Variants in CTIF observed in about 807,000 individuals in gnomAD.
CTIF encodes cap binding complex dependent translation initiation factor, also known as CBP80/20-dependent translation initiation factor.
A neutral mutation model predicts 66.0 loss-of-function variants in CTIF; 21 were observed. That is an observed-to-expected ratio of 0.32 (90% confidence interval 0.23 to 0.46). The LOEUF is 0.46. Ranked by LOEUF, CTIF falls within the 20% of genes least tolerant of loss-of-function variation. The pLI is 1.00. For missense variants in CTIF, 739 were observed against 812.7 expected (o/e 0.91, Z 1.10); for synonymous variants, 345 against 326.4 (o/e 1.06, Z -0.62).
At chr18:48,825,229 CT>C (rs1269054459) in intron 10 of CTIF, among the ~76,000 whole-genome samples, 2 of 152,100 alleles carry the variant, frequency 1.3e-5, no homozygotes, top group Admixed American at 1.3e-4. Flanking sequence ...CCTGGCTCTT[CT>C]CCCCTCCAGG....
chr18:48,682,597 C>T (rs1322355748), intron 6 of CTIF, among the ~76,000 whole-genome samples: 1 of 152,220 alleles, frequency 6.6e-6, no homozygotes. Context: ...CATCACCTTC[C>T]CCTATCCCCT....
chr18:48,812,233 G>C (rs1411845374), intron 9 of CTIF, among the ~76,000 whole-genome samples: 1 of 152,132 alleles, frequency 6.6e-6, no homozygotes, highest in East Asian at 1.9e-4. Context: ...CAAAGTGCTG[G>C]GATTATAGGT....
chr18:48,689,908 G>A (rs2091901379), intron 6 of CTIF, among the ~76,000 whole-genome samples: 1 of 152,164 alleles, frequency 6.6e-6, no homozygotes, highest in Non-Finnish European at 1.5e-5. Context: ...GAGCCCCTCT[G>A]CCCTAAGGTA....
chr18:48,762,390 A>G (rs1909093661), intron 9 of CTIF, among the ~76,000 whole-genome samples: 1 of 152,204 alleles, frequency 6.6e-6, no homozygotes, highest in South Asian at 2.1e-4. Flanking sequence ...GCAATGTTTC[A>G]TCTCACAAGT....
At chr18:48,544,540 C>G (rs559594859) in intron 1 of CTIF, among the ~76,000 whole-genome samples, 1 of 152,350 alleles carries the variant, frequency 6.6e-6, no homozygotes, top group Non-Finnish European at 1.5e-5. Flanking sequence ...GCCACAGAGC[C>G]AGACCCAAAT....
chr18:48,678,151 TA>T (rs1206280224), intron 6 of CTIF, among the ~76,000 whole-genome samples: 1 of 152,110 alleles, frequency 6.6e-6, no homozygotes, highest in Non-Finnish European at 1.5e-5. Context: ...TACAGCAAGT[TA>T]GGGGTGAATG....
At chr18:48,725,931 A>C (rs1046756981) in intron 7 of CTIF, among the ~76,000 whole-genome samples, 1 of 152,088 alleles carries the variant, frequency 6.6e-6, no homozygotes, top group African/African-American at 2.4e-5. Flanking sequence ...ATTCCAGCCT[A>C]ATGTGTAGGT....
intron 1 of CTIF, among the ~76,000 whole-genome samples, chr18:48,546,965 A>C (rs1195754827): frequency 6.6e-6 from 1 of 152,124 alleles, no homozygotes; most frequent in Non-Finnish European, 1.5e-5. Flanking sequence ...GCATGTAAAG[A>C]CTTGGGGGCC....
intron 2 of CTIF, among the ~76,000 whole-genome samples, chr18:48,623,765 A>G (rs997817441): frequency 2.6e-5 from 4 of 152,128 alleles, no homozygotes; most frequent in Admixed American, 2.6e-4. Context: ...GTGACAGTTG[A>G]CACTCAGGGA....
At chr18:48,650,969 T>C (rs932902058) in intron 3 of CTIF, among the ~76,000 whole-genome samples, 1 of 152,098 alleles carries the variant, frequency 6.6e-6, no homozygotes, top group Admixed American at 6.5e-5. Context: ...CCACCAGGCC[T>C]GCCTTACAGG....
intron 9 of CTIF, among the ~76,000 whole-genome samples, chr18:48,762,445 A>G (rs1251674807): frequency 2.6e-5 from 4 of 152,198 alleles, no homozygotes; most frequent in Non-Finnish European, 4.4e-5. Context: ...TGGTGGCCCC[A>G]AAACTGGTGA....
At chr18:48,655,151 A>C (rs1251108855) in intron 3 of CTIF, among the ~76,000 whole-genome samples, 1 of 151,834 alleles carries the variant, frequency 6.6e-6, no homozygotes, top group East Asian at 1.9e-4. Context: ...ATAAAAATAC[A>C]AAAATTTGCT....
rs1258921958 is a variant in CTIF at position 48,861,137 on chromosome 18, T to C, written c.*1578T>C. The C allele has an allele frequency of 6.6e-6, 1 of 152,300 alleles. No homozygotes were observed. The highest frequency in any genetic ancestry group is 1.5e-5 in the Non-Finnish European group (1 of 68,180). The allele number at this position is 152,300 out of a possible 1,614,324, so 9.4% of individuals were successfully genotyped here. A position where few individuals can be genotyped will look rare whatever the true frequency, so the allele number is the denominator to read the frequency against. On this transcript the variant is annotated 3_prime_UTR_variant, in exon 12 of 12. Transcript: ENST00000256413. The stretch of plus-strand genomic sequence containing the variant: ...GTTCTCGTGATTGATTGATTCTGAG[T>C]CTGAGAGTGGCGAGTGGGGAGAGGC...
chr18:48,754,390 G>A (rs769643228), intron 7 of CTIF, among the ~76,000 whole-genome samples: 6 of 152,146 alleles, frequency 3.9e-5, no homozygotes, highest in Non-Finnish European at 8.8e-5. Flanking sequence ...CTTATCTGTC[G>A]AATGGAAAGA....
intron 2 of CTIF, among the ~76,000 whole-genome samples, chr18:48,632,066 A>G (rs1200227639): frequency 1.3e-5 from 2 of 152,192 alleles, no homozygotes; most frequent in Admixed American, 1.3e-4. Flanking sequence ...CCTGTGCCAC[A>G]AGAAGCTGGT....
chr18:48,741,229 G>A (rs1346249392), intron 7 of CTIF, among the ~76,000 whole-genome samples: 1 of 151,866 alleles, frequency 6.6e-6, no homozygotes. Flanking sequence ...AGGTTGGAGT[G>A]GAGCCAGCAG....
At chr18:48,690,266 G>A (rs1007332111) in intron 6 of CTIF, among the ~76,000 whole-genome samples, 33 of 151,910 alleles carry the variant, frequency 2.2e-4, no homozygotes, top group African/African-American at 7.2e-4. Context: ...TAACTCCTCC[G>A]CTAGTCCTCC....
At chr18:48,705,201 G>T (rs933308352) in intron 6 of CTIF, among the ~76,000 whole-genome samples, 1 of 152,194 alleles carries the variant, frequency 6.6e-6, no homozygotes, top group African/African-American at 2.4e-5. Flanking sequence ...CAGTCTAGAG[G>T]TGTTGGCCGG....
chr18:48,859,784 A>C lies in CTIF; in HGVS notation c.*225A>C. On this transcript the variant is annotated 3_prime_UTR_variant, in exon 12 of 12. Coordinates refer to ENST00000256413, the MANE Select transcript of CTIF (RefSeq NM_014772.3). ...CCCGAGCATGCAAGCTCACACCAAT[A>C]AGGGAAGCATGTTTCTTTTTCCTGG... 6 of 677,282 alleles carry C rather than the reference A, an allele frequency of 8.9e-6. No individual in the cohort carries two copies. The highest frequency in any genetic ancestry group is 8.6e-5 in the East Asian group (3 of 34,928). 42.0% of individuals were successfully genotyped at this position (677,282 alleles called of 1,614,324 possible).
Sources: gnomAD v4.1 joint callset for allele counts (sites outside exome capture counted in the v4.1 genomes callset) on GRCh38, gnomAD v4.1.1 for gene constraint, MANE v1.5 for transcripts, NCBI Gene and HGNC (gene_info 2026-07-23, HGNC 2026-07-21) for gene names.